Variants in FTO observed in about 807,000 individuals in gnomAD.
The protein encoded by FTO is FTO alpha-ketoglutarate dependent dioxygenase.
A neutral mutation model predicts 63.9 loss-of-function variants in FTO; 47 were observed. That is an observed-to-expected ratio of 0.74 (90% CI 0.58 to 0.94). The LOEUF is 0.94. Ranked by LOEUF, FTO falls within the 40% of genes least tolerant of loss-of-function variation. The pLI is 0.00. For missense variants in FTO, 562 were observed against 618.1 expected (o/e 0.91, Z 0.96); for synonymous variants, 207 against 224.4 (o/e 0.92, Z 0.69).
intron 8 of FTO, among the ~76,000 whole-genome samples, chr16:54,089,767 A>G (rs1394275439): frequency 6.6e-6 from 1 of 152,200 alleles, no homozygotes; most frequent in Non-Finnish European, 1.5e-5. Context: ...AATGGCAAAT[A>G]AATACATGAA....
rs2081298942 is a variant in FTO at position 53,897,213 on chromosome 16, C to T, written c.1239+8262C>T. On this transcript the variant is annotated intron_variant, in intron 7 of 8. Transcript: ENST00000471389. The stretch of plus-strand genomic sequence containing the variant: ...GACATTTTTTTTTGCATTTTCTTTG[C>T]ATGATCTCAGTCCATCTGGAACCAC... Among the ~76,000 whole-genome samples, 8 of 151,920 alleles carry T rather than the reference C, an allele frequency of 5.3e-5. No homozygotes were observed. The South Asian group carries it at 1.7e-3, about 32-fold the overall frequency.
At chr16:53,948,614 C>T (rs1017496127) in intron 8 of FTO, among the ~76,000 whole-genome samples, 5 of 152,194 alleles carry the variant, frequency 3.3e-5, no homozygotes, top group Non-Finnish European at 1.5e-5. Context: ...GAGGCAGGAT[C>T]TATGTTAGTA....
At chr16:53,905,843 G>T (rs2081524325) in intron 7 of FTO, among the ~76,000 whole-genome samples, 1 of 152,152 alleles carries the variant, frequency 6.6e-6, no homozygotes, top group Non-Finnish European at 1.5e-5. Context: ...TTTCATGGGT[G>T]TACGCTCTCT....
chr16:53,754,329 A>G (rs1220970305), intron 1 of FTO, among the ~76,000 whole-genome samples: 2 of 152,138 alleles, frequency 1.3e-5, no homozygotes, highest in East Asian at 3.9e-4. Context: ...AACTTTTTCC[A>G]TAAACTGAAC....
At chr16:53,856,120 GT>G (rs1239312998) in intron 4 of FTO, among the ~76,000 whole-genome samples, 1 of 151,934 alleles carries the variant, frequency 6.6e-6, no homozygotes, top group African/African-American at 2.4e-5. Flanking sequence ...CTTTATGTAG[GT>G]TGTATATCCT....
intron 8 of FTO, among the ~76,000 whole-genome samples, chr16:54,035,371 T>C (rs1381416979): frequency 1.3e-5 from 2 of 152,212 alleles, no homozygotes; most frequent in Non-Finnish European, 2.9e-5. Context: ...ATGCGGAGTA[T>C]CTCAGCTGAA....
intron 7 of FTO, among the ~76,000 whole-genome samples, chr16:53,898,136 G>C (rs2081316538): frequency 6.6e-6 from 1 of 152,106 alleles, no homozygotes; most frequent in African/African-American, 2.4e-5. Flanking sequence ...ATCATGTTTA[G>C]AAATCCACCT....
At chr16:54,039,073 C>T (rs1228061964) in intron 8 of FTO, among the ~76,000 whole-genome samples, 2 of 152,166 alleles carry the variant, frequency 1.3e-5, no homozygotes, top group Admixed American at 6.5e-5. Context: ...TTCTTTTTCT[C>T]CTTGAAAAAG....
chr16:54,013,820 T>A (rs183016290), intron 8 of FTO, among the ~76,000 whole-genome samples: 85 of 152,344 alleles, frequency 5.6e-4, no homozygotes, highest in African/African-American at 1.9e-3. Flanking sequence ...AAAAACATAA[T>A]TTTTATATGC....
chr16:53,834,457 A>G (rs2079234966), intron 3 of FTO, among the ~76,000 whole-genome samples: 1 of 152,222 alleles, frequency 6.6e-6, no homozygotes, highest in Non-Finnish European at 1.5e-5. Context: ...GGTATTAATT[A>G]GCTATGGGAC....
intron 8 of FTO, among the ~76,000 whole-genome samples, chr16:54,049,890 C>A (rs1295659803): frequency 1.3e-5 from 2 of 152,218 alleles, no homozygotes; most frequent in African/African-American, 4.8e-5. Flanking sequence ...TGCTGGCTCT[C>A]AGCGTCAAAG....
chr16:53,810,829 G>GT (rs1391900910), intron 2 of FTO, among the ~76,000 whole-genome samples: 2 of 152,290 alleles, frequency 1.3e-5, no homozygotes, highest in African/African-American at 4.8e-5. Flanking sequence ...CCCGATCACT[G>GT]TTTTTTCCTA....
At chr16:53,830,367 G>T (rs1344401685) in intron 3 of FTO, among the ~76,000 whole-genome samples, 1 of 152,112 alleles carries the variant, frequency 6.6e-6, no homozygotes, top group African/African-American at 2.4e-5. Context: ...GAACTTTAGC[G>T]GGGAAGGCAT....
chr16:53,864,476 T>C (rs956892420), intron 4 of FTO, among the ~76,000 whole-genome samples: 2 of 152,182 alleles, frequency 1.3e-5, no homozygotes, highest in Non-Finnish European at 2.9e-5. Flanking sequence ...TAGCATAAAT[T>C]ATAGCATTGC....
chr16:53,963,507 C>T (rs1204260967), intron 8 of FTO, among the ~76,000 whole-genome samples: 1 of 152,142 alleles, frequency 6.6e-6, no homozygotes, highest in Non-Finnish European at 1.5e-5. Context: ...GATCGTGGGA[C>T]AGAGTTCTCA....
intron 1 of FTO, among the ~76,000 whole-genome samples, chr16:53,709,626 T>C (rs1048768029): frequency 1.3e-5 from 2 of 152,194 alleles, no homozygotes; most frequent in East Asian, 3.9e-4. Context: ...TTTTCCCAGA[T>C]GTTATAATTT....
intron 2 of FTO, among the ~76,000 whole-genome samples, chr16:53,817,312 G>A (rs1236324643): frequency 8.5e-5 from 13 of 152,138 alleles, no homozygotes. Flanking sequence ...ATCCCTTCTG[G>A]AGCTCTAGTT....
intron 8 of FTO, among the ~76,000 whole-genome samples, chr16:54,105,501 C>T (rs142945719): frequency 1.3e-5 from 2 of 152,124 alleles, no homozygotes; most frequent in African/African-American, 2.4e-5. Flanking sequence ...ACTTGCACAC[C>T]GTTCCATCAA....
At chr16:54,055,130 G>A (rs1272381375) in intron 8 of FTO, among the ~76,000 whole-genome samples, 2 of 152,332 alleles carry the variant, frequency 1.3e-5, no homozygotes, top group South Asian at 2.1e-4. Context: ...TTAAGTGGGC[G>A]ACAGGGCCCA....
Sources: gnomAD v4.1 joint callset for allele counts (sites outside exome capture counted in the v4.1 genomes callset) on GRCh38, gnomAD v4.1.1 for gene constraint, MANE v1.5 for transcripts, NCBI Gene and HGNC (gene_info 2026-07-23, HGNC 2026-07-21) for gene names.